GFOD1: variants seen among roughly 807,000 people sequenced by gnomAD.
The protein encoded by GFOD1 is Gfo/Idh/MocA-like oxidoreductase domain containing 1, also known as glucose-fructose oxidoreductase domain-containing protein 1.
Under a neutral mutation model 25.4 loss-of-function variants are expected in GFOD1, and 9 were observed. That is an observed-to-expected ratio of 0.35 (90% confidence interval 0.21 to 0.62). The LOEUF is 0.62. Among genes scored for constraint, GFOD1 ranks in the 20% least tolerant of loss-of-function variants. The pLI is 0.72. For missense variants in GFOD1, 403 were observed against 556.9 expected, an observed-to-expected ratio of 0.72 and a Z score of 2.78; for synonymous variants, 253 against 245.6, an observed-to-expected ratio of 1.03 and a Z score of -0.28.
chr6:13,414,274 T>A (rs888354591), intron 1 of GFOD1, among the ~76,000 whole-genome samples: 12 of 152,210 alleles, frequency 7.9e-5, no homozygotes, highest in African/African-American at 2.9e-4. Flanking sequence ...ATGCACATAT[T>A]TGGAGATGAC....
Position 13,408,812 on chromosome 6 carries a change from T to C in GFOD1, c.254-43150A>G, listed in dbSNP as rs570749841. The stretch of plus-strand genomic sequence containing the variant: ...TTCTAAAAATTAACACAGGCCAGTG[T>C]GGTGGCTCACGCCTGTAATCCCAGC... On this transcript the variant is annotated intron_variant, in intron 1 of 1. Coordinates refer to ENST00000379287, the MANE Select transcript of GFOD1 (RefSeq NM_018988.4). Among the ~76,000 whole-genome samples the C allele has an allele frequency of 4.6e-4, 70 of 152,128 alleles. 3 individuals carry two copies. The South Asian group carries it at 0.014, about 30-fold the overall frequency.
intron 1 of GFOD1, among the ~76,000 whole-genome samples, chr6:13,379,858 T>G (rs1268327364): frequency 6.6e-6 from 1 of 152,176 alleles, no homozygotes; most frequent in Non-Finnish European, 1.5e-5. Context: ...TAGTGTGATT[T>G]GTCAGACAGG....
intron 1 of GFOD1, among the ~76,000 whole-genome samples, chr6:13,452,386 G>A (rs1289171927): frequency 6.6e-6 from 1 of 152,154 alleles, no homozygotes; most frequent in Non-Finnish European, 1.5e-5. Flanking sequence ...CTAATGGATG[G>A]ACTAATGGCA....
chr6:13,391,870 G>A (rs1239682852), intron 1 of GFOD1, among the ~76,000 whole-genome samples: 9 of 152,198 alleles, frequency 5.9e-5, no homozygotes, highest in African/African-American at 1.9e-4. Flanking sequence ...CAATTCTACC[G>A]ATGGTCATTT....
chr6:13,407,605 C>T (rs1197151033), intron 1 of GFOD1, among the ~76,000 whole-genome samples: 2 of 152,036 alleles, frequency 1.3e-5, no homozygotes, highest in African/African-American at 2.4e-5. Context: ...TTACAATGGC[C>T]GAGAAAATTG....
At chr6:13,451,097 C>T (rs918357973) in intron 1 of GFOD1, among the ~76,000 whole-genome samples, 3 of 152,202 alleles carry the variant, frequency 2.0e-5, no homozygotes, top group African/African-American at 7.2e-5. Flanking sequence ...TCGGGCAACT[C>T]CTGCCGGAGT....
chr6:13,420,233 C>G, intron 1 of GFOD1, among the ~76,000 whole-genome samples: 1 of 152,156 alleles, frequency 6.6e-6, no homozygotes, highest in East Asian at 1.9e-4. Flanking sequence ...GATTTGTTTC[C>G]AAATAGATAT....
Position 13,361,093 on chromosome 6 carries a change from C to G in GFOD1, c.*3650G>C. ...AATACTCTGCACACAGTGGACAAGT[C>G]TTGGAGTTGGCCAGTCTTGGAGTTG... On this transcript the variant is annotated 3_prime_UTR_variant, in exon 2 of 2. Transcript: ENST00000379287. 2.9e-6 allele frequency: 1 copy of G among 348,892 alleles called. No homozygotes were observed. 21.6% of individuals were successfully genotyped at this position (348,892 alleles called of 1,614,324 possible).
chr6:13,387,010 T>C (rs1785488595), intron 1 of GFOD1, among the ~76,000 whole-genome samples: 1 of 151,932 alleles, frequency 6.6e-6, no homozygotes, highest in South Asian at 2.1e-4. Context: ...GGATAGATGA[T>C]TAGACCAACG....
At position 13,364,725 on chromosome 6, in the gene GFOD1, C is replaced by T. The variant is rs765327074; in HGVS notation, c.*18G>A. ...ATCCCCTGCAGAAGGCTCAAGTCCC[C>T]GAGGTTCTCAATCTGTGCTAACAGT... On this transcript the variant is annotated 3_prime_UTR_variant, in exon 2 of 2. Transcript: ENST00000379287. This position sits in a 1 kb window ranked among gnomAD's most constrained non-coding sequence, Gnocchi z 4.1. The T allele has an allele frequency of 6.3e-7, 1 of 1,590,702 alleles. No individual in the cohort carries two copies.
At chr6:13,482,135 G>C (rs1027687542) in intron 1 of GFOD1, among the ~76,000 whole-genome samples, 2 of 148,514 alleles carry the variant, frequency 1.3e-5, no homozygotes, top group Non-Finnish European at 3.0e-5. Flanking sequence ...GTGCATACAT[G>C]TATATCTATA....
Position 13,363,238 on chromosome 6 carries a change from T to TGTGC in GFOD1, c.*1504_*1505insGCAC, listed in dbSNP as rs1554198475. ...GTGTGTGTGTGTGTGTGTGTGTGTG[T>TGTGC]GCACGTGCATGTGTGTGTGTGTCTG... is the stretch of plus-strand genomic sequence containing the variant. On this transcript the variant is annotated 3_prime_UTR_variant, in exon 2 of 2. Coordinates refer to ENST00000379287, the MANE Select transcript of GFOD1 (RefSeq NM_018988.4). The TGTGC allele has an allele frequency of 3.5e-4, 53 of 151,676 alleles. 2 individuals carry two copies. Among genetic ancestry groups the TGTGC allele is most frequent in the African/African-American group, 1.2e-3 (50 of 41,292 alleles). The allele number at this position is 151,676 out of a possible 1,614,324, so 9.4% of individuals were successfully genotyped here.
At chr6:13,393,490 C>A (rs559565) in intron 1 of GFOD1, among the ~76,000 whole-genome samples, 83,545 of 151,422 alleles carry the variant, frequency 0.55, 24,691 homozygotes, top group South Asian at 0.69. Context: ...TCCAGAGAGA[C>A]CCTGCAGACA....
rs146429538 is a variant in GFOD1 at position 13,385,226 on chromosome 6, G to A, written c.254-19564C>T. On this transcript the variant is annotated intron_variant, in intron 1 of 1. Coordinates refer to ENST00000379287, the MANE Select transcript of GFOD1 (RefSeq NM_018988.4). ...GGTGTGAGGTTGACAGTCTAATCTC[G>A]GGCGTGTGCCAGCCTTCCGTGTAGG... 9.9e-5 allele frequency among the ~76,000 whole-genome samples: 15 copies of A among 152,258 alleles called. No homozygotes were observed. In the South Asian group the frequency reaches 2.1e-3, roughly 21 times the overall value.
chr6:13,425,910 C>A (rs1391874152), intron 1 of GFOD1, among the ~76,000 whole-genome samples: 1 of 151,540 alleles, frequency 6.6e-6, no homozygotes, highest in African/African-American at 2.4e-5. Context: ...GAAAAAGAAA[C>A]TCGCAGAAAG....
chr6:13,402,554 T>C (rs1785866393), intron 1 of GFOD1, among the ~76,000 whole-genome samples: 1 of 149,856 alleles, frequency 6.7e-6, no homozygotes, highest in East Asian at 2.0e-4. Flanking sequence ...GGCATATAAA[T>C]GGCCAATAAA....
At chr6:13,461,611 T>A (rs1329182225) in intron 1 of GFOD1, among the ~76,000 whole-genome samples, 2 of 152,284 alleles carry the variant, frequency 1.3e-5, no homozygotes, top group Non-Finnish European at 2.9e-5. Context: ...CGGTCACCTC[T>A]GTGGCTGTCT....
intron 1 of GFOD1, among the ~76,000 whole-genome samples, chr6:13,392,922 C>T (rs1785642888): frequency 6.6e-6 from 1 of 151,082 alleles, no homozygotes; most frequent in Non-Finnish European, 1.5e-5. Flanking sequence ...ATTAGCCAGG[C>T]ATGGTGACAT....
intron 1 of GFOD1, among the ~76,000 whole-genome samples, chr6:13,428,193 A>G (rs1477159615): frequency 6.6e-6 from 1 of 152,170 alleles, no homozygotes; most frequent in East Asian, 1.9e-4. Flanking sequence ...CAGTGTTAGA[A>G]AAGGAAAACC....
Sources: allele counts gnomAD v4.1 joint callset (sites outside exome capture counted in the v4.1 genomes callset), GRCh38; gene constraint gnomAD v4.1.1; non-coding constraint Gnocchi (gnomAD v3.1); transcripts MANE v1.5; gene names NCBI Gene and HGNC (gene_info 2026-07-23, HGNC 2026-07-21).